LIN28B: variants seen among roughly 807,000 people sequenced by gnomAD.
LIN28B encodes protein lin-28 homolog B.
Under a neutral mutation model 21.9 loss-of-function variants are expected in LIN28B, and 5 were observed. The ratio of observed to expected loss-of-function variants is 0.23; its 90% CI spans 0.12 to 0.48. The LOEUF (loss-of-function observed/expected upper bound fraction) is 0.48, where lower values mean the gene tolerates loss of function less well. Among genes scored for constraint, LIN28B ranks in the 20% least tolerant of loss-of-function variants. The pLI is 0.98. For synonymous variants in LIN28B, 109 were observed against 111.3 expected (o/e 0.98, Z 0.13); for missense variants, 245 against 310.5 (o/e 0.79, Z 1.58).
intron 3 of LIN28B, among the ~76,000 whole-genome samples, chr6:105,065,296 A>G (rs768271231): frequency 9.2e-5 from 14 of 152,248 alleles, no homozygotes; most frequent in Non-Finnish European, 7.3e-5. Flanking sequence ...CCATGAGGCC[A>G]AGAACACCAT....
intron 2 of LIN28B, among the ~76,000 whole-genome samples, chr6:105,004,392 T>A (rs2114296600): frequency 6.6e-6 from 1 of 152,324 alleles, no homozygotes; most frequent in South Asian, 2.1e-4. Context: ...ACTCCCTCTT[T>A]CTTTTTTGTA....
chr6:105,004,622 A>T (rs977055482), intron 2 of LIN28B, among the ~76,000 whole-genome samples: 6 of 152,182 alleles, frequency 3.9e-5, no homozygotes, highest in Non-Finnish European at 7.3e-5. Flanking sequence ...TGTTGTAGCT[A>T]CATAAATATT....
intron 1 of LIN28B, 113 bp downstream of exon 1, chr6:104,957,373 T>G (rs938236168): frequency 1.8e-6 from 1 of 550,964 alleles, no homozygotes; most frequent in Non-Finnish European, 3.0e-6. Flanking sequence ...ACCCCAATAC[T>G]GGGCATTACC....
chr6:105,023,240 T>A (rs1247862053), intron 2 of LIN28B, among the ~76,000 whole-genome samples: 4 of 96,170 alleles, frequency 4.2e-5, no homozygotes, highest in African/African-American at 1.6e-4. Flanking sequence ...ATATATTATA[T>A]TATATATTAT....
chr6:105,022,816 G>C (rs533698217), intron 2 of LIN28B, among the ~76,000 whole-genome samples: 1 of 152,264 alleles, frequency 6.6e-6, no homozygotes, highest in Admixed American at 6.5e-5. Flanking sequence ...GAAGGTCAGA[G>C]AAAAACTGCT....
chr6:104,999,169 A>T (rs534293135), intron 2 of LIN28B, among the ~76,000 whole-genome samples: 27 of 152,080 alleles, frequency 1.8e-4, no homozygotes, highest in African/African-American at 6.5e-4. Flanking sequence ...TTATTTATTT[A>T]TTTTTTGAGG....
rs1337700845 is a variant in LIN28B at position 105,082,449 on chromosome 6, T to C, written c.*3666T>C. ...ACAGGACATGGGAAATCTCATTAAG[T>C]CTTAAAGTTAATTTAAATTAATTTA... is the stretch of plus-strand genomic sequence containing the variant. On this transcript the variant is annotated 3_prime_UTR_variant, in exon 4 of 4. Coordinates refer to ENST00000345080, the MANE Select transcript of LIN28B (RefSeq NM_001004317.4). 3 of 152,668 alleles carry C rather than the reference T, an allele frequency of 2.0e-5. No individual in the cohort carries two copies. The highest frequency in any genetic ancestry group is 7.2e-5 in the African/African-American group (3 of 41,458). The allele number at this position is 152,668 out of a possible 1,614,324, so 9.5% of individuals were successfully genotyped here.
chr6:104,952,354 A>T (rs1006745372), upstream of LIN28B, among the ~76,000 whole-genome samples: 9 of 152,222 alleles, frequency 5.9e-5, no homozygotes, highest in African/African-American at 2.2e-4. Context: ...AAGTAATGTA[A>T]AACTTAGTAC....
chr6:105,066,812 C>CATAT (rs142177678), intron 3 of LIN28B, among the ~76,000 whole-genome samples: 2 of 149,980 alleles, frequency 1.3e-5, no homozygotes, highest in Non-Finnish European at 3.0e-5. Context: ...AGACATTTTA[C>CATAT]ATATATATAT....
chr6:104,975,802 G>A (rs575942722), intron 2 of LIN28B, among the ~76,000 whole-genome samples: 7 of 151,254 alleles, frequency 4.6e-5, no homozygotes, highest in Non-Finnish European at 8.8e-5. Context: ...CTACAGGTGC[G>A]TGCCACCATG....
chr6:104,952,695 T>A (rs183478544), upstream of LIN28B, among the ~76,000 whole-genome samples: 60 of 152,280 alleles, frequency 3.9e-4, no homozygotes, highest in African/African-American at 1.3e-3. Flanking sequence ...TTTTGAAATA[T>A]AAAGGCAAAT....
At chr6:104,992,505 TGTGTG>T (rs1562084902) in intron 2 of LIN28B, among the ~76,000 whole-genome samples, 1 of 112,688 alleles carries the variant, frequency 8.9e-6, no homozygotes, top group African/African-American at 3.0e-5. Flanking sequence ...TGTGTGTGTG[TGTGTG>T]TGTGTTTTTT....
chr6:104,968,137 C>G (rs1769901678), intron 2 of LIN28B, among the ~76,000 whole-genome samples: 1 of 152,170 alleles, frequency 6.6e-6, no homozygotes. Flanking sequence ...CAGTGAAACA[C>G]TGTTGGTTTG....
intron 2 of LIN28B, among the ~76,000 whole-genome samples, chr6:104,977,036 A>AT (rs199621542): frequency 0.015 from 2,302 of 149,640 alleles, 56 homozygotes; most frequent in African/African-American, 0.053. Context: ...CCTTATTTTT[A>AT]TTTTTTTTTT....
Position 105,078,768 on chromosome 6 carries a change from A to G in LIN28B, c.738A>G (p.Lys246=), listed in dbSNP as rs565863642. The change falls in exon 4 of 4, where the codon AAA becomes AAG. Residue 246 remains lysine, a synonymous_variant. Transcript: ENST00000345080. ...EQSKKGPSVQ[K]RKKT ...GCAAAAAGGGGCCTTCAGTTCAAAA[A>G]AGGAAAAAGACATAACAGGTCTTCT... is the stretch of plus-strand genomic sequence containing the variant. The G allele has an allele frequency of 6.2e-7, 1 of 1,613,180 alleles. No individual in the cohort carries two copies. Among genetic ancestry groups the G allele is most frequent in the East Asian group, 2.2e-5 (1 of 44,862 alleles).
intron 3 of LIN28B, among the ~76,000 whole-genome samples, chr6:105,053,382 GGTGTGT>G (rs112180054): frequency 0.077 from 11,306 of 146,582 alleles, 434 homozygotes; most frequent in East Asian, 0.15. Flanking sequence ...TATGTCTTAT[GGTGTGT>G]GTGTGTGTGT....
At chr6:105,055,904 C>T (rs1582923276) in intron 3 of LIN28B, among the ~76,000 whole-genome samples, 1 of 148,644 alleles carries the variant, frequency 6.7e-6, no homozygotes, top group Non-Finnish European at 1.5e-5. Context: ...AGTATGTGCA[C>T]GCCACCATGC....
Position 105,026,226 on chromosome 6 carries a change from T to G in LIN28B, c.199-72T>G, listed in dbSNP as rs1486578165. 5.1e-6 allele frequency: 4 copies of G among 778,662 alleles called. No individual in the cohort carries two copies. The African/African-American group carries it at 7.1e-5, about 14-fold the overall frequency. The allele number at this position is 778,662 out of a possible 1,614,324, so 48.2% of individuals were successfully genotyped here. On this transcript the variant is annotated intron_variant, in intron 2 of 3. Coordinates refer to ENST00000345080, the MANE Select transcript of LIN28B (RefSeq NM_001004317.4). Reference sequence around the variant, plus strand: ...AGAGTATCTTTCTTTTTTAAAATTATAGAGATAATTTATAAAGCAATGATA... The same window carrying G: ...AGAGTATCTTTCTTTTTTAAAATTAGAGAGATAATTTATAAAGCAATGATA...
At chr6:105,029,196 A>C (rs963518764) in intron 3 of LIN28B, among the ~76,000 whole-genome samples, 2 of 152,184 alleles carry the variant, frequency 1.3e-5, no homozygotes, top group Non-Finnish European at 2.9e-5. Context: ...AAGTTTAGAC[A>C]ATCTTTTGAG....
Sources: gnomAD v4.1 joint callset for allele counts (sites outside exome capture counted in the v4.1 genomes callset) on GRCh38, gnomAD v4.1.1 for gene constraint, MANE v1.5 for transcripts, NCBI Gene and HGNC (gene_info 2026-07-23, HGNC 2026-07-21) for gene names.